The following TRANK1 variants were observed in gnomAD, a reference collection of about 807,000 sequenced individuals.
TRANK1 encodes tetratricopeptide repeat and ankyrin repeat containing 1, also known as TPR and ankyrin repeat-containing protein 1.
TRANK1 carries 198 observed loss-of-function variants against 266.0 expected under a neutral mutation model. The observed-to-expected ratio is 0.74, with a 90% CI of 0.66 to 0.84. TRANK1 has a LOEUF of 0.84. TRANK1 is among the 40% of genes least tolerant of loss of function. The pLI, the probability that TRANK1 is intolerant of heterozygous loss-of-function variation, is 0.00. For missense variants in TRANK1, 3,326 were observed against 3,634.6 expected, an observed-to-expected ratio of 0.92 and a Z score of 2.18; for synonymous variants, 1,396 against 1,384.1, an observed-to-expected ratio of 1.01 and a Z score of -0.19.
At chr3:36,858,462 G>A (rs1016902013) in intron 12 of TRANK1, among the ~76,000 whole-genome samples, 1 of 152,162 alleles carries the variant, frequency 6.6e-6, no homozygotes, top group African/African-American at 2.4e-5. Context: ...TAAATGGAAA[G>A]TATTTTTCAG....
chr3:36,829,520 CA>C (rs1559410246), intron 23 of TRANK1, 43 bp downstream of exon 23: 1 of 1,604,542 alleles, frequency 6.2e-7, no homozygotes, highest in East Asian at 2.2e-5. Flanking sequence ...ATAAGAACCA[CA>C]GGACCCAAAG....
intron 4 of TRANK1, among the ~76,000 whole-genome samples, chr3:36,898,322 C>T (rs1262820355): frequency 2.6e-5 from 4 of 152,046 alleles, no homozygotes; most frequent in Admixed American, 6.6e-5. Flanking sequence ...GGGTGGTAGG[C>T]GCCTGTAATC....
Position 36,831,753 on chromosome 3 carries a change from C to A in TRANK1, c.7830G>T (p.Arg2610Ser). The change falls in exon 22 of 24, where the codon AGG (arginine) becomes AGT (serine). Residue 2610 changes from arginine to serine, a missense_variant. Coordinates refer to ENST00000645898, the MANE Select transcript of TRANK1 (RefSeq NM_001329998.2). The surrounding 1 kb of genome is among the most constrained non-coding windows in gnomAD (Gnocchi z 5.0). ...AGACCCGCTTCACCACCTTCAGGAG[C>A]CTCTCGGGAACCTGGCCAGGGCAGT... ...SMDCPGQVPERLLKVVKRVLV... is the reference protein window; with the variant it reads ...SMDCPGQVPESLLKVVKRVLV... 1 of 1,613,970 alleles carries A rather than the reference C, an allele frequency of 6.2e-7. No individual in the cohort carries two copies. Among genetic ancestry groups the A allele is most frequent in the Non-Finnish European group, 8.5e-7 (1 of 1,179,890 alleles).
intron 2 of TRANK1, among the ~76,000 whole-genome samples, chr3:36,906,282 G>A (rs1396031404): frequency 6.6e-6 from 1 of 152,104 alleles, no homozygotes; most frequent in Non-Finnish European, 1.5e-5. Flanking sequence ...AATTTAATTT[G>A]GTGCCATTTC....
chr3:36,943,069 G>A (rs1228028002), intron 1 of TRANK1, among the ~76,000 whole-genome samples: 23 of 150,992 alleles, frequency 1.5e-4, no homozygotes, highest in Admixed American at 1.4e-3. Flanking sequence ...CCGGCCCCCC[G>A]TAATCCCAGC....
intron 4 of TRANK1, among the ~76,000 whole-genome samples, chr3:36,897,450 G>C (rs1458329174): frequency 2.6e-5 from 4 of 152,200 alleles, no homozygotes; most frequent in Admixed American, 2.6e-4. Flanking sequence ...CTGTCTAGGG[G>C]ACATGGCTGC....
intron 2 of TRANK1, among the ~76,000 whole-genome samples, chr3:36,905,510 G>C (rs1322470579): frequency 6.6e-6 from 1 of 152,120 alleles, no homozygotes; most frequent in East Asian, 1.9e-4. Flanking sequence ...CCCTCACAGG[G>C]GGCAGCTTGA....
chr3:36,883,438 C>A, intron 8 of TRANK1, among the ~76,000 whole-genome samples: 1 of 118,128 alleles, frequency 8.5e-6, no homozygotes. Flanking sequence ...GAGTAAGACT[C>A]TGTCTCAAAA....
At chr3:36,840,541 C>T (rs184753898) in intron 18 of TRANK1, among the ~76,000 whole-genome samples, 31 of 152,344 alleles carry the variant, frequency 2.0e-4, no homozygotes, top group Middle Eastern at 3.4e-3. Flanking sequence ...TATTTACCCT[C>T]CCGTCCAATC....
chr3:36,865,690 G>A (rs1370204329), intron 9 of TRANK1, among the ~76,000 whole-genome samples: 2 of 151,910 alleles, frequency 1.3e-5, no homozygotes, highest in Non-Finnish European at 2.9e-5. Flanking sequence ...TGAGCAACAT[G>A]GCAAAACCCA....
chr3:36,939,978 C>A (rs1221481233), intron 1 of TRANK1, among the ~76,000 whole-genome samples: 1 of 151,860 alleles, frequency 6.6e-6, no homozygotes, highest in Non-Finnish European at 1.5e-5. Context: ...GCAACCTCCA[C>A]CTCCCGGGTT....
At chr3:36,917,620 AG>A in intron 1 of TRANK1, among the ~76,000 whole-genome samples, 1 of 152,284 alleles carries the variant, frequency 6.6e-6, no homozygotes, top group Middle Eastern at 3.4e-3. Flanking sequence ...GAGAAGAGAG[AG>A]GCGAGTTTAA....
In TRANK1 at chr3:36,842,603, T is replaced by G. The variant is rs751497481; in HGVS notation, c.5280+19A>C. 4 of 1,611,720 alleles carry G rather than the reference T, an allele frequency of 2.5e-6. No homozygotes were observed. The highest frequency in any genetic ancestry group is 1.7e-4 in the Middle Eastern group (1 of 6,036). ...CGAGGGCACCAGTGACAAGGACCCCTCCTAGTCCAACCCCTTACCTTCCAG... is the reference window on the plus strand; with the variant it reads ...CGAGGGCACCAGTGACAAGGACCCCGCCTAGTCCAACCCCTTACCTTCCAG... On this transcript the variant is annotated intron_variant, in intron 18 of 23. Coordinates refer to ENST00000645898, the MANE Select transcript of TRANK1 (RefSeq NM_001329998.2).
Position 36,851,747 on chromosome 3 carries a change from A to T in TRANK1, c.4859T>A (p.Leu1620His). Residue 1620 changes from leucine (L) to histidine (H), a missense_variant, in exon 15 of 24, where the codon CTC (leucine) becomes CAC (histidine). Transcript: ENST00000645898. ...AGAATCAGTAAAAAAGTTGTAAAGG[A>T]GGACATCATCAAATTCTAAGCCTTT... ...EAKGLEFDDV[L>H]LYNFFTDSEA... 6.2e-7 allele frequency: 1 copy of T among 1,613,236 alleles called. No individual in the cohort carries two copies. Among genetic ancestry groups the T allele is most frequent in the Non-Finnish European group, 8.5e-7 (1 of 1,179,654 alleles).
At chr3:36,935,229 G>A (rs2080408702) in intron 1 of TRANK1, among the ~76,000 whole-genome samples, 1 of 152,086 alleles carries the variant, frequency 6.6e-6, no homozygotes, top group African/African-American at 2.4e-5. Context: ...ACCCCGGGAG[G>A]GTGAGGGGCC....
chr3:36,884,933 GAAA>G (rs201019383), intron 8 of TRANK1, among the ~76,000 whole-genome samples: 117 of 109,588 alleles, frequency 1.1e-3, no homozygotes, highest in East Asian at 2.0e-3. Context: ...CTCTGTCTCA[GAAA>G]AAAAAAAAAA....
Position 36,833,927 on chromosome 3 carries a change from G to C in TRANK1, c.5664-8C>G, listed in dbSNP as rs948740766. The C allele has an allele frequency of 1.3e-6, 2 of 1,586,272 alleles. No homozygotes were observed. Among genetic ancestry groups the C allele is most frequent in the African/African-American group, 2.7e-5 (2 of 74,118 alleles). On this transcript the variant is annotated splice_region_variant and splice_polypyrimidine_tract_variant and intron_variant, in intron 21 of 23. Coordinates refer to ENST00000645898, the MANE Select transcript of TRANK1 (RefSeq NM_001329998.2). Reference sequence around the variant, plus strand: ...TTTAGCATTTCTTCATACCTGCAAAGACAAAGGACACAAATGTCAACTTGC... The same window carrying C: ...TTTAGCATTTCTTCATACCTGCAAACACAAAGGACACAAATGTCAACTTGC...
intron 1 of TRANK1, among the ~76,000 whole-genome samples, chr3:36,941,458 C>T (rs893810390): frequency 1.3e-5 from 2 of 152,168 alleles, no homozygotes; most frequent in Non-Finnish European, 2.9e-5. Flanking sequence ...TTCAGGTAAA[C>T]GGAGTCCAGG....
chr3:36,874,786 C>T (rs1011055372), intron 8 of TRANK1, among the ~76,000 whole-genome samples: 10 of 152,030 alleles, frequency 6.6e-5, no homozygotes, highest in African/African-American at 2.4e-4. Context: ...TGGATGCCAA[C>T]TCCATTTGCT....
Sources: allele counts gnomAD v4.1 joint callset (sites outside exome capture counted in the v4.1 genomes callset), GRCh38; gene constraint gnomAD v4.1.1; non-coding constraint Gnocchi (gnomAD v3.1); transcripts MANE v1.5; gene names NCBI Gene and HGNC (gene_info 2026-07-23, HGNC 2026-07-21).